KCNQ1: variants seen among roughly 807,000 people sequenced by gnomAD.
KCNQ1 encodes potassium voltage-gated channel subfamily KQT member 1.
KCNQ1 carries 49 observed loss-of-function variants against 72.4 expected under a neutral mutation model. The ratio of observed to expected loss-of-function variants is 0.68; its 90% CI spans 0.54 to 0.86. KCNQ1 has a LOEUF of 0.86. Ranked by LOEUF, KCNQ1 falls within the 40% of genes least tolerant of loss-of-function variation. The pLI is 0.00. For synonymous variants in KCNQ1, 450 were observed against 412.6 expected (o/e 1.09, Z -1.10); for missense variants, 790 against 945.1 (o/e 0.84, Z 2.15).
Position 2,843,253 on chromosome 11 carries a change from G to A in KCNQ1, c.1795-4514G>A, listed in dbSNP as rs146518567. On this transcript the variant is annotated intron_variant, in intron 15 of 15. Transcript: ENST00000155840. ...CTGCCACGAACCGCGACCTTACCAC[G>A]TGCTGTGACCTATTGCCACTTGTGC... Among the ~76,000 whole-genome samples, 705 of 152,356 alleles carry A rather than the reference G, an allele frequency of 4.6e-3. 15 individuals are homozygous for A. The highest frequency in any genetic ancestry group is 2.6e-3 in the Non-Finnish European group (177 of 68,032).
At chr11:2,505,739 G>A (rs2106203) in intron 1 of KCNQ1, among the ~76,000 whole-genome samples, 8,861 of 152,186 alleles carry the variant, frequency 0.058, 896 homozygotes, top group African/African-American at 0.2. Context: ...TGTCTCTTGT[G>A]ACCTTTCTAG....
chr11:2,742,247 G>A (rs1269489309), intron 11 of KCNQ1, among the ~76,000 whole-genome samples: 1 of 152,196 alleles, frequency 6.6e-6, no homozygotes, highest in African/African-American at 2.4e-5. Context: ...GGTGGTGCTG[G>A]CCAGAATCAG....
chr11:2,696,593 A>C (rs773690535), intron 11 of KCNQ1: 12 of 398,544 alleles, frequency 3.0e-5, no homozygotes, highest in Non-Finnish European at 4.0e-5. Flanking sequence ...TAAATTACTC[A>C]AGCCCTCCAA....
rs1590019735 is a variant in KCNQ1 at position 2,668,061 on chromosome 11, G to A, written c.1514+5980G>A. ...TTTGCCCACATTTGAACTTTATGCG[G>A]TGGGAATGATGCAACTCATACACCT... On this transcript the variant is annotated intron_variant, in intron 11 of 15. Transcript: ENST00000155840. The surrounding 1 kb of genome is among the most constrained non-coding windows in gnomAD (Gnocchi z 4.3). 5.0e-6 allele frequency: 2 copies of A among 398,604 alleles called. No individual in the cohort carries two copies. The highest frequency in any genetic ancestry group is 8.8e-5 in the Admixed American group (2 of 22,734). 24.7% of individuals were successfully genotyped at this position (398,604 alleles called of 1,614,324 possible).
rs1163051073 is a variant in KCNQ1 at position 2,507,307 on chromosome 11, AG to A, written c.387-20619del. Among the ~76,000 whole-genome samples, 1 of 152,168 alleles carries A rather than the reference AG, an allele frequency of 6.6e-6. No individual in the cohort carries two copies. The highest frequency in any genetic ancestry group is 1.5e-5 in the Non-Finnish European group (1 of 68,042). Reference sequence around the variant, plus strand: ...CACCCCACTGGCTGGGGCCTTCACGAGGCCCCTCTGGCCTCTAAGTGGAGCA... The same window carrying A: ...CACCCCACTGGCTGGGGCCTTCACGAGCCCCTCTGGCCTCTAAGTGGAGCA... On this transcript the variant is annotated intron_variant, in intron 1 of 15. Coordinates refer to ENST00000155840, the MANE Select transcript of KCNQ1 (RefSeq NM_000218.3). The surrounding 1 kb of genome is among the most constrained non-coding windows in gnomAD (Gnocchi z 5.4).
Position 2,536,013 on chromosome 11 carries a change from G to C in KCNQ1, c.477+7995G>C, listed in dbSNP as rs1170806757. On this transcript the variant is annotated intron_variant, in intron 2 of 15. Transcript: ENST00000155840. This position sits in a 1 kb window ranked among gnomAD's most constrained non-coding sequence, Gnocchi z 7.4. ...CATGGCATGAAGACCCGGTGGTTCT[G>C]TTCCCCCGGGACAGCCTTGGTCCAG... Among the ~76,000 whole-genome samples, 1 of 152,164 alleles carries C rather than the reference G, an allele frequency of 6.6e-6. No individual in the cohort carries two copies. The highest frequency in any genetic ancestry group is 2.4e-5 in the African/African-American group (1 of 41,448).
At chr11:2,460,601 A>G (rs1032962480) in intron 1 of KCNQ1, among the ~76,000 whole-genome samples, 7 of 151,570 alleles carry the variant, frequency 4.6e-5, no homozygotes, top group Non-Finnish European at 7.4e-5. Context: ...AGGGACTGTC[A>G]GCCCAGCTGT....
In KCNQ1 at chr11:2,711,944, T is replaced by C. The variant is rs781113430; in HGVS notation, c.1514+49863T>C. Among the ~76,000 whole-genome samples, 31 of 152,064 alleles carry C rather than the reference T, an allele frequency of 2.0e-4. No individual in the cohort carries two copies. The highest frequency in any genetic ancestry group is 3.8e-4 in the Non-Finnish European group (26 of 67,990). On this transcript the variant is annotated intron_variant, in intron 11 of 15. Transcript: ENST00000155840. The surrounding 1 kb of genome is among the most constrained non-coding windows in gnomAD (Gnocchi z 5.4). ...CTGGGGCTGCTCACCTGCTCACCTG[T>C]GTCCATCCCCTTGGGCAGCACACAG...
chr11:2,509,972 T>C lies in KCNQ1; in HGVS notation c.387-17956T>C, dbSNP rs574409487. Among the ~76,000 whole-genome samples, 33 of 152,236 alleles carry C rather than the reference T, an allele frequency of 2.2e-4. No individual in the cohort carries two copies. The South Asian group carries it at 4.1e-3, about 19-fold the overall frequency. ...GGCATCTGACTTTGGTTTCCTGGTGTTTAAAGGCTAATTGGGATCGGTCGT... is the reference window on the plus strand; with the variant it reads ...GGCATCTGACTTTGGTTTCCTGGTGCTTAAAGGCTAATTGGGATCGGTCGT... On this transcript the variant is annotated intron_variant, in intron 1 of 15. Transcript: ENST00000155840. This position sits in a 1 kb window ranked among gnomAD's most constrained non-coding sequence, Gnocchi z 6.3.
chr11:2,657,079 A>T lies in KCNQ1; in HGVS notation c.1394-4882A>T. On this transcript the variant is annotated intron_variant, in intron 10 of 15. Coordinates refer to ENST00000155840, the MANE Select transcript of KCNQ1 (RefSeq NM_000218.3). This position sits in a 1 kb window ranked among gnomAD's most constrained non-coding sequence, Gnocchi z 4.8. The stretch of plus-strand genomic sequence containing the variant: ...ATGCTCAATCCTGTCCCATTGGCCT[A>T]TTTGTCTCTCCCTGTGTCAATACCA... 2.5e-6 allele frequency: 1 copy of T among 398,594 alleles called. No individual in the cohort carries two copies. Among genetic ancestry groups the T allele is most frequent in the Non-Finnish European group, 4.4e-6 (1 of 226,062 alleles). The allele number at this position is 398,594 out of a possible 1,614,324, so 24.7% of individuals were successfully genotyped here. A position where few individuals can be genotyped will look rare whatever the true frequency, so the allele number is the denominator to read the frequency against.
intron 11 of KCNQ1, among the ~76,000 whole-genome samples, chr11:2,716,586 C>T (rs1224539845): frequency 1.3e-5 from 2 of 152,256 alleles, no homozygotes; most frequent in Non-Finnish European, 2.9e-5. Flanking sequence ...CACGCAGCTT[C>T]AGTTCTGCAG....
At chr11:2,619,066 G>T (rs903294047) in intron 10 of KCNQ1, 8 of 398,280 alleles carry the variant, frequency 2.0e-5, no homozygotes, top group Non-Finnish European at 3.1e-5. Flanking sequence ...GTTCTAACAG[G>T]TTGCTTTGTC....
rs1847123134 is a variant in KCNQ1 at position 2,507,400 on chromosome 11, T to A, written c.387-20528T>A. ...GGCTGTGACTGAGGTGGCTGTGGGA[T>A]GGGACGGCGTGGTTTGCTCTAGAGG... is the stretch of plus-strand genomic sequence containing the variant. On this transcript the variant is annotated intron_variant, in intron 1 of 15. Coordinates refer to ENST00000155840, the MANE Select transcript of KCNQ1 (RefSeq NM_000218.3). This position sits in a 1 kb window ranked among gnomAD's most constrained non-coding sequence, Gnocchi z 5.4. 1.3e-5 allele frequency among the ~76,000 whole-genome samples: 2 copies of A among 151,486 alleles called. No individual in the cohort carries two copies. Among genetic ancestry groups the A allele is most frequent in the South Asian group, 4.2e-4 (2 of 4,790 alleles).
intron 10 of KCNQ1, chr11:2,640,837 C>T (rs1245469591): frequency 5.0e-6 from 2 of 399,066 alleles, no homozygotes; most frequent in Non-Finnish European, 8.8e-6. Context: ...TCCAGACATA[C>T]CTTTCACAGC....
Position 2,510,270 on chromosome 11 carries a change from C to A in KCNQ1, c.387-17658C>A, listed in dbSNP as rs539945248. On this transcript the variant is annotated intron_variant, in intron 1 of 15. Transcript: ENST00000155840. The stretch of plus-strand genomic sequence containing the variant: ...CTCCAGCCTGAGTGACAGAACGAGA[C>A]CCTGTGTCTAAAAAAAAAAAATTTT... 2.0e-5 allele frequency among the ~76,000 whole-genome samples: 3 copies of A among 150,912 alleles called. No individual in the cohort carries two copies. In the South Asian group the frequency reaches 6.3e-4, roughly 32 times the overall value.
intron 5 of KCNQ1, 58 bp from the exon 6 acceptor site, chr11:2,572,788 A>G: frequency 6.2e-7 from 1 of 1,610,294 alleles, no homozygotes; most frequent in Non-Finnish European, 8.5e-7. Context: ...AGGCGTCTGC[A>G]CAGGAGGCTC....
chr11:2,472,381 T>G (rs909078351), intron 1 of KCNQ1, among the ~76,000 whole-genome samples: 1 of 146,994 alleles, frequency 6.8e-6, no homozygotes, highest in Non-Finnish European at 1.5e-5. Flanking sequence ...TCTGTATAGG[T>G]GTGTGTGTTT....
intron 11 of KCNQ1, among the ~76,000 whole-genome samples, chr11:2,728,222 C>T (rs1845798540): frequency 6.6e-6 from 1 of 152,202 alleles, no homozygotes; most frequent in South Asian, 2.1e-4. Context: ...CTCGCCCACC[C>T]TTCTGCCCTG....
In KCNQ1 at chr11:2,687,696, G is replaced by C. The variant is rs1019893959; in HGVS notation, c.1514+25615G>C. 5 of 398,654 alleles carry C rather than the reference G, an allele frequency of 1.3e-5. No homozygotes were observed. Among genetic ancestry groups the C allele is most frequent in the Non-Finnish European group, 1.8e-5 (4 of 226,222 alleles). 24.7% of individuals were successfully genotyped at this position (398,654 alleles called of 1,614,324 possible). On this transcript the variant is annotated intron_variant, in intron 11 of 15. Coordinates refer to ENST00000155840, the MANE Select transcript of KCNQ1 (RefSeq NM_000218.3). The surrounding 1 kb of genome is among the most constrained non-coding windows in gnomAD (Gnocchi z 5.0). Reference sequence around the variant, plus strand: ...TCAGGGAGCTCAGGGTTCAGTGTTGGAATGGGTCTGGGCCCAGATTTCAAG... The same window carrying C: ...TCAGGGAGCTCAGGGTTCAGTGTTGCAATGGGTCTGGGCCCAGATTTCAAG...
Sources: allele counts gnomAD v4.1 joint callset (sites outside exome capture counted in the v4.1 genomes callset), GRCh38; gene constraint gnomAD v4.1.1; non-coding constraint Gnocchi (gnomAD v3.1); transcripts MANE v1.5; gene names NCBI Gene and HGNC (gene_info 2026-07-23, HGNC 2026-07-21).